Variants in EVL observed in about 807,000 individuals in gnomAD.
EVL encodes the protein ena/VASP-like protein.
A neutral mutation model predicts 59.6 loss-of-function variants in EVL; 21 were observed. The ratio of observed to expected loss-of-function variants is 0.35; its 90% confidence interval spans 0.25 to 0.51. The LOEUF is 0.51. EVL is among the 20% of genes least tolerant of loss of function. EVL has a pLI of 0.97. For synonymous variants in EVL, 198 were observed against 203.5 expected (o/e 0.97, Z 0.23); for missense variants, 462 against 546.6 (o/e 0.85, Z 1.54).
At chr14:99,988,912 T>C (rs536514375) in intron 1 of EVL, among the ~76,000 whole-genome samples, 1 of 152,004 alleles carries the variant, frequency 6.6e-6, no homozygotes, top group South Asian at 2.1e-4. Context: ...GGGTGGAGGG[T>C]GTGGGGCTGA....
intron 2 of EVL, among the ~76,000 whole-genome samples, chr14:100,095,519 T>C (rs1885747686): frequency 6.6e-6 from 1 of 152,224 alleles, no homozygotes; most frequent in South Asian, 2.1e-4. Context: ...CTAGTTCTTA[T>C]GAGTCCTTTT....
intron 1 of EVL, among the ~76,000 whole-genome samples, chr14:100,035,095 T>C (rs2061368834): frequency 6.6e-6 from 1 of 152,220 alleles, no homozygotes; most frequent in Admixed American, 6.5e-5. Context: ...ATGTTACAAC[T>C]GAAAAACTTT....
chr14:100,027,022 T>C (rs923012369), intron 1 of EVL, among the ~76,000 whole-genome samples: 21 of 152,278 alleles, frequency 1.4e-4, no homozygotes, highest in African/African-American at 4.8e-4. Context: ...ACAGACCTCA[T>C]TGACTTGACA....
intron 2 of EVL, among the ~76,000 whole-genome samples, chr14:100,095,826 C>G (rs1328803487): frequency 6.6e-6 from 1 of 152,220 alleles, no homozygotes; most frequent in Non-Finnish European, 1.5e-5. Flanking sequence ...CTCCTGGGTT[C>G]AAGCGATTCT....
At chr14:100,055,681 G>A (rs913731374) in intron 1 of EVL, among the ~76,000 whole-genome samples, 2 of 152,166 alleles carry the variant, frequency 1.3e-5, no homozygotes, top group African/African-American at 4.8e-5. Context: ...TTCCTTTGTA[G>A]GTGACTTGGT....
intron 1 of EVL, among the ~76,000 whole-genome samples, chr14:100,018,059 T>G (rs921354055): frequency 6.6e-6 from 1 of 152,376 alleles, no homozygotes; most frequent in East Asian, 1.9e-4. Context: ...GAATAATTCC[T>G]TTTTGTCAAG....
intron 4 of EVL, among the ~76,000 whole-genome samples, chr14:100,125,906 G>T (rs913687160): frequency 1.3e-5 from 2 of 152,174 alleles, no homozygotes; most frequent in Non-Finnish European, 2.9e-5. Flanking sequence ...CCATGAAATA[G>T]ATGTTTCTGG....
intron 2 of EVL, among the ~76,000 whole-genome samples, chr14:100,089,294 A>G (rs914759429): frequency 6.6e-6 from 1 of 152,238 alleles, no homozygotes; most frequent in African/African-American, 2.4e-5. Context: ...GCTAATTTTC[A>G]TTTGTAGAAA....
chr14:100,039,237 CATTT>C (rs879364537), intron 1 of EVL, among the ~76,000 whole-genome samples: 5 of 152,066 alleles, frequency 3.3e-5, no homozygotes, highest in Non-Finnish European at 5.9e-5. Flanking sequence ...TGTTAGAGGC[CATTT>C]ATTTATTTAT....
intron 2 of EVL, among the ~76,000 whole-genome samples, chr14:100,090,960 T>C (rs1017147470): frequency 6.6e-5 from 10 of 152,072 alleles, no homozygotes; most frequent in Non-Finnish European, 1.3e-4. Context: ...ATGTGGAAAA[T>C]GTGAAAGTAG....
chr14:99,975,413 C>A (rs1035576922), intron 1 of EVL, among the ~76,000 whole-genome samples: 1 of 152,152 alleles, frequency 6.6e-6, no homozygotes, highest in African/African-American at 2.4e-5. Context: ...AAATCATCAG[C>A]CATAAGTACT....
At chr14:100,077,017 A>G (rs2140289492) in intron 1 of EVL, among the ~76,000 whole-genome samples, 1 of 152,358 alleles carries the variant, frequency 6.6e-6, no homozygotes, top group East Asian at 1.9e-4. Context: ...AGGATAAGCT[A>G]TAGATAGATA....
In EVL at chr14:100,124,019, C is replaced by T. The variant is rs1887869219; in HGVS notation, c.422+417C>T. 3.9e-5 allele frequency among the ~76,000 whole-genome samples: 6 copies of T among 152,220 alleles called. 1 individual carries two copies. In the South Asian group the frequency reaches 1.0e-3, roughly 26 times the overall value. ...GCTAGGGACCATAGGAATGAACCCC[C>T]TCACCCCATGGAGCTTCTAAAGTGT... On this transcript the variant is annotated intron_variant, in intron 4 of 13. Coordinates refer to ENST00000392920, the MANE Select transcript of EVL (RefSeq NM_016337.3).
chr14:100,027,660 G>T (rs548486495), intron 1 of EVL, among the ~76,000 whole-genome samples: 1 of 151,906 alleles, frequency 6.6e-6, no homozygotes, highest in South Asian at 2.1e-4. Context: ...TCTGTTGTTG[G>T]ACGCTTAGGT....
intron 1 of EVL, among the ~76,000 whole-genome samples, chr14:99,978,923 A>G (rs1296133874): frequency 1.3e-5 from 2 of 152,232 alleles, no homozygotes; most frequent in Non-Finnish European, 2.9e-5. Flanking sequence ...GCACATGTCC[A>G]CTTATTTTAG....
chr14:100,023,590 G>A (rs1272812138), intron 1 of EVL, among the ~76,000 whole-genome samples: 4 of 151,762 alleles, frequency 2.6e-5, no homozygotes, highest in African/African-American at 9.7e-5. Context: ...GCCTCCCAAA[G>A]TGCTGGGATT....
intron 1 of EVL, among the ~76,000 whole-genome samples, chr14:100,050,353 AT>A (rs762561323): frequency 5.2e-4 from 15 of 28,694 alleles, no homozygotes; most frequent in Non-Finnish European, 7.5e-4. Flanking sequence ...TTATTTATTT[AT>A]TTATTTATTT....
chr14:100,017,050 G>A (rs1440907545), intron 1 of EVL, among the ~76,000 whole-genome samples: 1 of 152,224 alleles, frequency 6.6e-6, no homozygotes, highest in Non-Finnish European at 1.5e-5. Context: ...GAGCATGTTG[G>A]AGTTAGCTCA....
intron 1 of EVL, among the ~76,000 whole-genome samples, chr14:99,986,486 C>G (rs2060841382): frequency 1.3e-5 from 2 of 151,866 alleles, no homozygotes; most frequent in African/African-American, 4.8e-5. Context: ...AGATAGTGTC[C>G]CAATTAGAGG....
Sources: gnomAD v4.1 joint callset for allele counts (sites outside exome capture counted in the v4.1 genomes callset) on GRCh38, gnomAD v4.1.1 for gene constraint, MANE v1.5 for transcripts, NCBI Gene and HGNC (gene_info 2026-07-23, HGNC 2026-07-21) for gene names.